The following NCALD variants were observed in gnomAD, a reference collection of about 807,000 sequenced individuals.
The protein encoded by NCALD is neurocalcin-delta.
In NCALD, 10 loss-of-function variants were observed where a neutral mutation model predicts 18.6. The ratio of observed to expected loss-of-function variants is 0.54; its 90% confidence interval spans 0.33 to 0.91. The LOEUF is 0.91. NCALD is among the 40% of genes least tolerant of loss of function. The pLI, the probability that NCALD is intolerant of heterozygous loss-of-function variation, is 0.03. For synonymous variants in NCALD, 88 were observed against 87.4 expected (o/e 1.01, Z -0.04); for missense variants, 184 against 247.6 (o/e 0.74, Z 1.72).
chr8:101,785,513 T>C (rs10091317), intron 1 of NCALD, among the ~76,000 whole-genome samples: 4,417 of 152,252 alleles, frequency 0.029, 216 homozygotes, highest in African/African-American at 0.1. Context: ...CCTGAGTCCC[T>C]GGAGGACTGT....
chr8:101,873,409 T>C (rs1326465272), intron 4 of NCALD, among the ~76,000 whole-genome samples: 1 of 152,246 alleles, frequency 6.6e-6, no homozygotes, highest in Non-Finnish European at 1.5e-5. Context: ...TTGGAATTAC[T>C]CAAGACAGTT....
At chr8:102,117,955 A>G (rs1032763188) in intron 1 of NCALD, among the ~76,000 whole-genome samples, 1 of 152,246 alleles carries the variant, frequency 6.6e-6, no homozygotes, top group Non-Finnish European at 1.5e-5. Context: ...TTCAGATTTC[A>G]GCTCCATAAC....
chr8:101,953,438 AGAGTT>A (rs1735995616), intron 2 of NCALD, among the ~76,000 whole-genome samples: 1 of 152,226 alleles, frequency 6.6e-6, no homozygotes, highest in Non-Finnish European at 1.5e-5. Context: ...AGAGACATTA[AGAGTT>A]GAGCAAAAAT....
At chr8:101,865,470 C>G (rs1815729751) in intron 4 of NCALD, among the ~76,000 whole-genome samples, 1 of 152,092 alleles carries the variant, frequency 6.6e-6, no homozygotes, top group Non-Finnish European at 1.5e-5. Flanking sequence ...AGCCCTTCGT[C>G]ACTCAATTTT....
At chr8:101,755,623 C>G (rs1810846302) in intron 1 of NCALD, among the ~76,000 whole-genome samples, 1 of 152,170 alleles carries the variant, frequency 6.6e-6, no homozygotes, top group Admixed American at 6.5e-5. Context: ...CATCTCACAT[C>G]CTAAGGCTTG....
At chr8:101,718,845 C>A (rs144305979) in intron 2 of NCALD, among the ~76,000 whole-genome samples, 36 of 152,302 alleles carry the variant, frequency 2.4e-4, no homozygotes, top group Non-Finnish European at 4.9e-4. Context: ...GATTTTACAT[C>A]TGATAAGAAA....
intron 2 of NCALD, among the ~76,000 whole-genome samples, chr8:101,948,107 A>T (rs1216848218): frequency 1.3e-5 from 2 of 152,252 alleles, no homozygotes; most frequent in Non-Finnish European, 2.9e-5. Flanking sequence ...GATGGGTTTT[A>T]TATCTTGAAA....
intron 2 of NCALD, among the ~76,000 whole-genome samples, chr8:101,979,191 G>C (rs1820528676): frequency 6.6e-6 from 1 of 152,200 alleles, no homozygotes; most frequent in Non-Finnish European, 1.5e-5. Flanking sequence ...CAACCCCAAA[G>C]ACTAGTAAGT....
intron 1 of NCALD, among the ~76,000 whole-genome samples, chr8:102,080,182 G>A (rs1331489032): frequency 2.0e-5 from 3 of 152,196 alleles, no homozygotes; most frequent in Non-Finnish European, 2.9e-5. Flanking sequence ...ACAGTGTGCT[G>A]TTGGCAGCCA....
intron 4 of NCALD, among the ~76,000 whole-genome samples, chr8:101,809,753 C>T (rs1448824080): frequency 6.6e-6 from 1 of 152,154 alleles, no homozygotes; most frequent in African/African-American, 2.4e-5. Flanking sequence ...CCATGTTGGC[C>T]AGACTGGTCT....
At chr8:102,040,291 T>C (rs1291095349) in intron 1 of NCALD, among the ~76,000 whole-genome samples, 1 of 151,958 alleles carries the variant, frequency 6.6e-6, no homozygotes, top group African/African-American at 2.4e-5. Context: ...CTGGCCAACA[T>C]GGTGAAACCC....
intron 1 of NCALD, among the ~76,000 whole-genome samples, chr8:102,091,960 G>T (rs1414056052): frequency 6.6e-6 from 1 of 152,154 alleles, no homozygotes; most frequent in African/African-American, 2.4e-5. Flanking sequence ...CAGAGGTGTT[G>T]GTACCAGAGC....
At chr8:101,734,989 A>G (rs761437766) in intron 1 of NCALD, among the ~76,000 whole-genome samples, 4 of 152,310 alleles carry the variant, frequency 2.6e-5, no homozygotes, top group Admixed American at 6.5e-5. Context: ...CAGATTAGAA[A>G]TTAGGAGGTG....
chr8:102,028,386 T>TGCA (rs1822537861), intron 1 of NCALD, among the ~76,000 whole-genome samples: 1 of 152,188 alleles, frequency 6.6e-6, no homozygotes, highest in African/African-American at 2.4e-5. Context: ...TGCAAATAAA[T>TGCA]AAAGCAAGCC....
intron 4 of NCALD, among the ~76,000 whole-genome samples, chr8:101,845,724 A>T (rs1057288232): frequency 6.6e-6 from 1 of 152,148 alleles, no homozygotes; most frequent in East Asian, 1.9e-4. Context: ...ACAGTAGATT[A>T]TTGTTAACTA....
At chr8:102,111,986 A>G (rs1825655239) in intron 1 of NCALD, among the ~76,000 whole-genome samples, 1 of 152,236 alleles carries the variant, frequency 6.6e-6, no homozygotes, top group African/African-American at 2.4e-5. Flanking sequence ...TTTCAATATT[A>G]CTATAAACAC....
At chr8:102,090,103 G>A (rs1237470550) in intron 1 of NCALD, among the ~76,000 whole-genome samples, 3 of 152,188 alleles carry the variant, frequency 2.0e-5, no homozygotes, top group African/African-American at 4.8e-5. Context: ...GGTACAAAAA[G>A]CATATGGAAA....
At chr8:101,908,935 T>C (rs1817698941) in intron 3 of NCALD, among the ~76,000 whole-genome samples, 1 of 152,204 alleles carries the variant, frequency 6.6e-6, no homozygotes, top group Non-Finnish European at 1.5e-5. Context: ...ATCATCACAC[T>C]GAACTTTGAA....
chr8:101,921,619 A>G (rs1353305438), intron 2 of NCALD, among the ~76,000 whole-genome samples: 1 of 152,200 alleles, frequency 6.6e-6, no homozygotes, highest in African/African-American at 2.4e-5. Flanking sequence ...CCCTTTAAAC[A>G]TAGACTAGAA....
Sources: gnomAD v4.1 joint callset for allele counts (sites outside exome capture counted in the v4.1 genomes callset) on GRCh38, gnomAD v4.1.1 for gene constraint, MANE v1.5 for transcripts, NCBI Gene and HGNC (gene_info 2026-07-23, HGNC 2026-07-21) for gene names.